The following ST6GAL1 variants were observed in gnomAD, a reference collection of about 807,000 sequenced individuals.
ST6GAL1 encodes beta-galactoside alpha-2,6-sialyltransferase 1.
ST6GAL1 carries 20 observed loss-of-function variants against 38.0 expected under a neutral mutation model. The ratio of observed to expected loss-of-function variants is 0.53; its 90% CI spans 0.37 to 0.77. ST6GAL1 has a LOEUF of 0.77. ST6GAL1 is among the 30% of genes least tolerant of loss of function. The pLI, the probability that ST6GAL1 is intolerant of heterozygous loss-of-function variation, is 0.00. For missense variants in ST6GAL1, 432 were observed against 496.4 expected (o/e 0.87, Z 1.23); for synonymous variants, 196 against 188.2 (o/e 1.04, Z -0.34).
chr3:187,030,489 A>G (rs1338762502), intron 2 of ST6GAL1, among the ~76,000 whole-genome samples: 2 of 152,170 alleles, frequency 1.3e-5, no homozygotes, highest in East Asian at 1.9e-4. Context: ...GCTGGAGTGC[A>G]GTGGTGCAAT....
At chr3:187,030,242 C>G (rs1003727517) in intron 2 of ST6GAL1, among the ~76,000 whole-genome samples, 2 of 152,114 alleles carry the variant, frequency 1.3e-5, no homozygotes, top group Non-Finnish European at 2.9e-5. Context: ...ATAGGTAGCG[C>G]TGTCTGCACA....
intron 2 of ST6GAL1, among the ~76,000 whole-genome samples, chr3:186,984,745 TCCCTCCCTCCC>T (rs1715818586): frequency 3.0e-5 from 1 of 33,788 alleles, no homozygotes; most frequent in Admixed American, 3.3e-4. Context: ...CTTCCTTCCC[TCCCTCCCTCCC>T]TCCCTCCCTC....
intron 2 of ST6GAL1, among the ~76,000 whole-genome samples, chr3:186,966,346 AC>A (rs1715115504): frequency 6.6e-6 from 1 of 152,244 alleles, no homozygotes; most frequent in African/African-American, 2.4e-5. Context: ...CAATGAGCTA[AC>A]AAGGTATCTA....
At chr3:187,060,243 C>T (rs1026861238) in intron 5 of ST6GAL1, among the ~76,000 whole-genome samples, 1 of 152,158 alleles carries the variant, frequency 6.6e-6, no homozygotes, top group African/African-American at 2.4e-5. Context: ...TCACTGCAAA[C>T]ACCACCTCCT....
At chr3:186,943,811 T>G (rs1478401792) in intron 1 of ST6GAL1, among the ~76,000 whole-genome samples, 1 of 152,218 alleles carries the variant, frequency 6.6e-6, no homozygotes, top group Non-Finnish European at 1.5e-5. Flanking sequence ...TTGCTCAAAG[T>G]CAGACCGTGA....
At chr3:187,030,559 A>G (rs1717710508) in intron 2 of ST6GAL1, among the ~76,000 whole-genome samples, 1 of 151,944 alleles carries the variant, frequency 6.6e-6, no homozygotes, top group African/African-American at 2.4e-5. Flanking sequence ...TCAGCCTCTC[A>G]AGTAGCTGGG....
chr3:186,967,295 G>A (rs1399379716), intron 2 of ST6GAL1, among the ~76,000 whole-genome samples: 1 of 152,134 alleles, frequency 6.6e-6, no homozygotes, highest in Non-Finnish European at 1.5e-5. Context: ...GGGTTCAAGC[G>A]AGTCTCCTAC....
chr3:187,042,497 G>T (rs1432108896), intron 3 of ST6GAL1, among the ~76,000 whole-genome samples, 157 bp from the exon 4 acceptor site: 1 of 152,060 alleles, frequency 6.6e-6, no homozygotes, highest in Non-Finnish European at 1.5e-5. Flanking sequence ...CTTTTGTCGA[G>T]AATTGCTTAA....
Position 187,065,482 on chromosome 3 carries a change from G to A in ST6GAL1, c.706-7367G>A, listed in dbSNP as rs55840521. Among the ~76,000 whole-genome samples, 847 of 152,346 alleles carry A rather than the reference G, an allele frequency of 5.6e-3. 8 individuals carry two copies. The highest frequency in any genetic ancestry group is 0.019 in the African/African-American group (805 of 41,586). On this transcript the variant is annotated intron_variant, in intron 5 of 7. Transcript: ENST00000169298. ...ACCTAGTCAGGCATGTGACACTTCTGTGCCAGGTGTGGCTATGAGAGTCAA... is the reference window on the plus strand; with the variant it reads ...ACCTAGTCAGGCATGTGACACTTCTATGCCAGGTGTGGCTATGAGAGTCAA...
chr3:186,932,486 A>G (rs1713793522), intron 1 of ST6GAL1, among the ~76,000 whole-genome samples: 1 of 152,254 alleles, frequency 6.6e-6, no homozygotes, highest in Admixed American at 6.5e-5. Flanking sequence ...TCTGTTGAGA[A>G]AAAATAGATT....
At chr3:186,985,688 T>C (rs1485597199) in intron 2 of ST6GAL1, among the ~76,000 whole-genome samples, 3 of 151,504 alleles carry the variant, frequency 2.0e-5, no homozygotes, top group African/African-American at 4.9e-5. Flanking sequence ...GGAGGGACGA[T>C]TGCTTGAGCC....
chr3:187,063,345 T>A (rs968875624), intron 5 of ST6GAL1, among the ~76,000 whole-genome samples: 9 of 152,232 alleles, frequency 5.9e-5, no homozygotes, highest in South Asian at 4.1e-4. Context: ...CTCTGCAAAG[T>A]GGCATGCAAG....
chr3:186,947,188 T>C (rs1038301860), intron 1 of ST6GAL1, among the ~76,000 whole-genome samples: 78 of 152,232 alleles, frequency 5.1e-4, no homozygotes, highest in African/African-American at 1.8e-3. Context: ...CACGTAGATA[T>C]CTCTAGGTTG....
intron 2 of ST6GAL1, among the ~76,000 whole-genome samples, chr3:187,012,195 G>C (rs990832914): frequency 6.6e-6 from 1 of 152,146 alleles, no homozygotes; most frequent in Non-Finnish European, 1.5e-5. Flanking sequence ...TCAATAAACT[G>C]TCTGCTCGCA....
intron 5 of ST6GAL1, among the ~76,000 whole-genome samples, chr3:187,069,547 C>T (rs1458672820): frequency 1.3e-5 from 2 of 152,190 alleles, no homozygotes; most frequent in African/African-American, 2.4e-5. Context: ...CATCTACAGC[C>T]GACAATTGTA....
At chr3:187,055,918 C>T (rs1718684549) in intron 5 of ST6GAL1, among the ~76,000 whole-genome samples, 1 of 152,002 alleles carries the variant, frequency 6.6e-6, no homozygotes, top group African/African-American at 2.4e-5. Flanking sequence ...TTGAAGTCTC[C>T]TATTATTATT....
intron 2 of ST6GAL1, among the ~76,000 whole-genome samples, chr3:187,010,914 C>T (rs1716934564): frequency 6.6e-6 from 1 of 152,040 alleles, no homozygotes; most frequent in African/African-American, 2.4e-5. Flanking sequence ...TAACTAGACC[C>T]CCCTCCCCTT....
At chr3:186,961,443 G>A (rs1714933840) in intron 1 of ST6GAL1, among the ~76,000 whole-genome samples, 1 of 152,174 alleles carries the variant, frequency 6.6e-6, no homozygotes, top group African/African-American at 2.4e-5. Context: ...TTGTCTTTAA[G>A]TCAGAGTTCT....
intron 5 of ST6GAL1, among the ~76,000 whole-genome samples, chr3:187,071,396 G>T (rs1719364816): frequency 6.6e-6 from 1 of 152,026 alleles, no homozygotes; most frequent in South Asian, 2.1e-4. Context: ...CATTTGATCC[G>T]CAAGACAGCT....
Sources: allele counts gnomAD v4.1 joint callset (sites outside exome capture counted in the v4.1 genomes callset), GRCh38; gene constraint gnomAD v4.1.1; transcripts MANE v1.5; gene names NCBI Gene and HGNC (gene_info 2026-07-23, HGNC 2026-07-21).